RSU1: variants seen among roughly 807,000 people sequenced by gnomAD.
RSU1 encodes the protein rsu-1.
In RSU1, 26 loss-of-function variants were observed where a neutral mutation model predicts 31.1. That is an observed-to-expected ratio of 0.84 (90% CI 0.61 to 1.16). The LOEUF (loss-of-function observed/expected upper bound fraction) is 1.16, where lower values mean the gene tolerates loss of function less well. Ranked by LOEUF, RSU1 falls within the 50% of genes most tolerant of loss-of-function variation. The probability of loss-of-function intolerance (pLI) is 0.00; values close to 1 mark genes in which losing one functional copy is unlikely to be tolerated. For synonymous variants in RSU1, 164 were observed against 136.3 expected (o/e 1.20, Z -1.41); for missense variants, 320 against 339.1 (o/e 0.94, Z 0.44).
intron 7 of RSU1, among the ~76,000 whole-genome samples, chr10:16,702,988 C>T (rs1221604594): frequency 6.6e-6 from 1 of 152,202 alleles, no homozygotes; most frequent in African/African-American, 2.4e-5. Context: ...GATTTAGCAA[C>T]ATCCCTCTGG....
At chr10:16,618,220 G>T (rs907490617) in intron 8 of RSU1, among the ~76,000 whole-genome samples, 1 of 152,130 alleles carries the variant, frequency 6.6e-6, no homozygotes, top group African/African-American at 2.4e-5. Context: ...CAACAAACAT[G>T]AAGAAAAGCT....
intron 7 of RSU1, among the ~76,000 whole-genome samples, chr10:16,709,946 T>C (rs1835983859): frequency 6.6e-6 from 1 of 152,202 alleles, no homozygotes; most frequent in Non-Finnish European, 1.5e-5. Context: ...GTTTTCTATA[T>C]GTAAGATCAT....
At chr10:16,733,333 TAAA>T (rs569239845) in intron 7 of RSU1, among the ~76,000 whole-genome samples, 938 of 79,630 alleles carry the variant, frequency 0.012, 7 homozygotes, top group East Asian at 0.063. Flanking sequence ...TCTACGACAA[TAAA>T]AAAAAAAAAA....
At chr10:16,742,067 C>T (rs1325116070) in intron 7 of RSU1, among the ~76,000 whole-genome samples, 3 of 152,010 alleles carry the variant, frequency 2.0e-5, no homozygotes, top group African/African-American at 4.8e-5. Context: ...GGAGAAGAGC[C>T]GATATTTTTA....
At position 16,591,349 on chromosome 10, in the gene RSU1, A is replaced by G. The variant is rs986628566; in HGVS notation, c.*2045T>C. 6.6e-6 allele frequency: 1 copy of G among 152,134 alleles called. No individual in the cohort carries two copies. Among genetic ancestry groups the G allele is most frequent in the Non-Finnish European group, 1.5e-5 (1 of 68,026 alleles). 9.4% of individuals were successfully genotyped at this position (152,134 alleles called of 1,614,324 possible). ...AATGCTATAAGGACAATTCCTAAAC[A>G]TTGCAGTTTGTGGGGATCTCGGATA... On this transcript the variant is annotated 3_prime_UTR_variant, in exon 9 of 9. Transcript: ENST00000345264.
At chr10:16,710,843 T>C (rs1044306421) in intron 7 of RSU1, among the ~76,000 whole-genome samples, 8 of 152,090 alleles carry the variant, frequency 5.3e-5, no homozygotes, top group Non-Finnish European at 7.4e-5. Context: ...CAGGTCCCAG[T>C]GTGTAATGCT....
chr10:16,790,399 C>T (rs967879395), intron 2 of RSU1, among the ~76,000 whole-genome samples: 11 of 152,142 alleles, frequency 7.2e-5, no homozygotes, highest in African/African-American at 2.7e-4. Context: ...AGAATATGGA[C>T]CAACCACCTA....
At chr10:16,776,449 A>G (rs1220875354) in intron 3 of RSU1, among the ~76,000 whole-genome samples, 1 of 152,090 alleles carries the variant, frequency 6.6e-6, no homozygotes, top group African/African-American at 2.4e-5. Flanking sequence ...TTATAATTCT[A>G]AATTCATACA....
intron 7 of RSU1, among the ~76,000 whole-genome samples, chr10:16,725,056 G>T (rs1257561659): frequency 6.6e-6 from 1 of 152,170 alleles, no homozygotes; most frequent in Admixed American, 6.5e-5. Flanking sequence ...AGGAAACTCT[G>T]AAACTCCAGT....
intron 7 of RSU1, among the ~76,000 whole-genome samples, chr10:16,716,273 G>GTGTA (rs1197400337): frequency 6.6e-6 from 1 of 152,208 alleles, no homozygotes; most frequent in Admixed American, 6.5e-5. Context: ...GTTCAACTGA[G>GTGTA]TGTAGCAGGA....
intron 8 of RSU1, among the ~76,000 whole-genome samples, chr10:16,627,655 G>A (rs977197878): frequency 9.2e-5 from 14 of 151,762 alleles, no homozygotes; most frequent in Admixed American, 3.3e-4. Context: ...TACTCAGGAG[G>A]CTGAGGCAGG....
intron 7 of RSU1, among the ~76,000 whole-genome samples, chr10:16,697,748 A>G (rs12243447): frequency 0.32 from 47,914 of 151,796 alleles, 8,018 homozygotes; most frequent in African/African-American, 0.41. Context: ...TATAAACTAC[A>G]TATTTATGGA....
intron 7 of RSU1, among the ~76,000 whole-genome samples, chr10:16,698,205 G>A (rs1178772263): frequency 1.3e-5 from 2 of 151,784 alleles, no homozygotes; most frequent in African/African-American, 4.8e-5. Context: ...AGACTTGCTT[G>A]GGATAATGAG....
intron 8 of RSU1, among the ~76,000 whole-genome samples, chr10:16,654,036 CTT>C (rs777016696): frequency 6.6e-6 from 1 of 151,740 alleles, no homozygotes; most frequent in Non-Finnish European, 1.5e-5. Context: ...GAGTTTTGCT[CTT>C]GTCACCCAGG....
intron 8 of RSU1, among the ~76,000 whole-genome samples, chr10:16,641,902 C>T (rs559739991): frequency 1.2e-4 from 18 of 152,328 alleles, no homozygotes; most frequent in African/African-American, 4.3e-4. Flanking sequence ...GCAGAGCGGG[C>T]AGCAGGGCCT....
rs547133198 is a variant in RSU1 at position 16,606,167 on chromosome 10, G to A, written c.732-12671C>T. ...CTTGCGGACACTTTTGTACAGTACCGTGACCAGGGTGATTCTACTAAATTC... is the reference window on the plus strand; with the variant it reads ...CTTGCGGACACTTTTGTACAGTACCATGACCAGGGTGATTCTACTAAATTC... On this transcript the variant is annotated intron_variant, in intron 8 of 8. Transcript: ENST00000345264. 2.0e-4 allele frequency among the ~76,000 whole-genome samples: 30 copies of A among 152,256 alleles called. No individual in the cohort carries two copies. In the South Asian group the frequency reaches 2.3e-3, roughly 12 times the overall value.
chr10:16,729,028 A>G (rs1284490032), intron 7 of RSU1, among the ~76,000 whole-genome samples: 4 of 152,228 alleles, frequency 2.6e-5, no homozygotes, highest in Non-Finnish European at 5.9e-5. Context: ...CATTGTTTAT[A>G]GCAGCAATAG....
intron 8 of RSU1, among the ~76,000 whole-genome samples, chr10:16,654,332 A>ATTTGGTTTG (rs1293906160): frequency 1.5e-5 from 2 of 130,614 alleles, no homozygotes; most frequent in Non-Finnish European, 3.1e-5. Flanking sequence ...TGTGTGCCAT[A>ATTTGGTTTG]TTTGGTTTGT....
chr10:16,726,775 C>T (rs889384909), intron 7 of RSU1, among the ~76,000 whole-genome samples: 2 of 152,130 alleles, frequency 1.3e-5, no homozygotes, highest in African/African-American at 4.8e-5. Flanking sequence ...CCACCACCCT[C>T]CTACTCTACC....
Sources: allele counts gnomAD v4.1 joint callset (sites outside exome capture counted in the v4.1 genomes callset), GRCh38; gene constraint gnomAD v4.1.1; transcripts MANE v1.5; gene names NCBI Gene and HGNC (gene_info 2026-07-23, HGNC 2026-07-21).